PATJ: variants seen among roughly 807,000 people sequenced by gnomAD.
PATJ encodes the protein inaD-like protein.
PATJ carries 190 observed loss-of-function variants against 224.9 expected under a neutral mutation model. The observed-to-expected ratio is 0.84, with a 90% CI of 0.75 to 0.95. The LOEUF is 0.95. PATJ is among the 40% of genes least tolerant of loss of function. The probability of loss-of-function intolerance (pLI) is 0.00; values close to 1 mark genes in which losing one functional copy is unlikely to be tolerated. For missense variants in PATJ, 2,121 were observed against 2,270.3 expected (o/e 0.93, Z 1.34); for synonymous variants, 769 against 820.3 (o/e 0.94, Z 1.07).
chr1:61,761,983 C>A (rs541921717), intron 1 of PATJ, among the ~76,000 whole-genome samples: 1 of 152,106 alleles, frequency 6.6e-6, no homozygotes, highest in Non-Finnish European at 1.5e-5. Flanking sequence ...TCAATGCGCC[C>A]GGCCACTCTG....
chr1:62,125,799 T>G (rs1321888500), intron 39 of PATJ, among the ~76,000 whole-genome samples: 1 of 152,110 alleles, frequency 6.6e-6, no homozygotes, highest in Non-Finnish European at 1.5e-5. Context: ...AGACAGAGTC[T>G]CACTCTGTTA....
At chr1:61,973,715 T>C (rs11207881) in intron 27 of PATJ, among the ~76,000 whole-genome samples, 5,587 of 151,990 alleles carry the variant, frequency 0.037, 435 homozygotes, top group African/African-American at 0.13. Context: ...ACCACTTTCA[T>C]AGTGATTAAA....
chr1:61,861,490 C>T (rs1557772474), intron 18 of PATJ, 61 bp from the exon 19 acceptor site: 1 of 761,412 alleles, frequency 1.3e-6, no homozygotes, highest in Non-Finnish European at 2.2e-6. Context: ...GCTCTCCCTC[C>T]CCTTGCTCCC....
Position 62,078,486 on chromosome 1 carries a change from A to G in PATJ, c.4126-964A>G, listed in dbSNP as rs373340761. 3.3e-4 allele frequency among the ~76,000 whole-genome samples: 50 copies of G among 152,082 alleles called. No individual in the cohort carries two copies. The South Asian group carries it at 0.01, about 31-fold the overall frequency. The stretch of plus-strand genomic sequence containing the variant: ...TTTTCAGTAGAGATGGGGTTTCACC[A>G]TGTTAGCCAGGCTGGTCTCGAACTC... On this transcript the variant is annotated intron_variant, in intron 31 of 43. Transcript: ENST00000642238.
intron 31 of PATJ, among the ~76,000 whole-genome samples, chr1:62,070,551 A>G (rs531603284): frequency 1.5e-4 from 23 of 152,372 alleles, no homozygotes; most frequent in African/African-American, 5.5e-4. Flanking sequence ...AAGATACAAT[A>G]TAATCTTGCA....
At chr1:61,857,813 G>C (rs1051810369) in intron 18 of PATJ, among the ~76,000 whole-genome samples, 1 of 152,098 alleles carries the variant, frequency 6.6e-6, no homozygotes, top group Non-Finnish European at 1.5e-5. Context: ...GAGAAACATC[G>C]TACTAGTAAT....
Position 61,939,523 on chromosome 1 carries a change from T to C in PATJ, c.3670+11694T>C, listed in dbSNP as rs566520568. On this transcript the variant is annotated intron_variant, in intron 27 of 43. Coordinates refer to ENST00000642238, the MANE Select transcript of PATJ (RefSeq NM_001350145.3). ...CTATAAAAATCAGGTTTTTTTTGCCTATCAGAGTACTTAATATTTTAACAA... is the reference window on the plus strand; with the variant it reads ...CTATAAAAATCAGGTTTTTTTTGCCCATCAGAGTACTTAATATTTTAACAA... Among the ~76,000 whole-genome samples the C allele has an allele frequency of 1.5e-4, 23 of 152,136 alleles. No individual in the cohort carries two copies. The South Asian group carries it at 4.8e-3, about 32-fold the overall frequency.
intron 25 of PATJ, among the ~76,000 whole-genome samples, chr1:61,909,928 G>T (rs1384105357): frequency 6.6e-6 from 1 of 152,194 alleles, no homozygotes; most frequent in African/African-American, 2.4e-5. Context: ...ACTGCATTTT[G>T]CAGTATGGTG....
chr1:61,970,061 G>T (rs373719169), intron 27 of PATJ, among the ~76,000 whole-genome samples: 298 of 150,866 alleles, frequency 2.0e-3, no homozygotes, highest in African/African-American at 6.9e-3. Flanking sequence ...TGTCTATTTG[G>T]TTTTTTGTAT....
At chr1:62,017,296 C>T (rs1486850685) in intron 28 of PATJ, among the ~76,000 whole-genome samples, 42 of 151,962 alleles carry the variant, frequency 2.8e-4, no homozygotes, top group Non-Finnish European at 4.4e-5. Context: ...CACCTGTCGT[C>T]CCAGCTACTC....
At chr1:62,071,803 T>C (rs1480580110) in intron 31 of PATJ, among the ~76,000 whole-genome samples, 1 of 152,174 alleles carries the variant, frequency 6.6e-6, no homozygotes, top group Non-Finnish European at 1.5e-5. Context: ...GCAGAACTCT[T>C]AAGTTGAAGA....
At chr1:61,956,269 A>C (rs1186315309) in intron 27 of PATJ, among the ~76,000 whole-genome samples, 1 of 152,208 alleles carries the variant, frequency 6.6e-6, no homozygotes, top group East Asian at 1.9e-4. Flanking sequence ...TTTCCAGTTT[A>C]TTTTAATTAT....
rs74076549 is a variant in PATJ, at chr1:62,131,433, A to G, written c.5271+2488A>G. Among the ~76,000 whole-genome samples the G allele has an allele frequency of 4.2e-3, 644 of 152,266 alleles. 4 individuals are homozygous for G. The highest frequency in any genetic ancestry group is 0.015 in the African/African-American group (613 of 41,542). ...CCCTTAGCAAAATCTAGTATTATTG[A>G]TATTTTCACACATGGATATAATTTG... On this transcript the variant is annotated intron_variant, in intron 41 of 43. Coordinates refer to ENST00000642238, the MANE Select transcript of PATJ (RefSeq NM_001350145.3).
At chr1:62,140,152 G>A (rs1187374909) in intron 41 of PATJ, among the ~76,000 whole-genome samples, 1 of 152,106 alleles carries the variant, frequency 6.6e-6, no homozygotes, top group East Asian at 1.9e-4. Context: ...TTCTCATTCA[G>A]CCCCTTGGAT....
At chr1:61,829,946 A>G (rs1233263141) in intron 16 of PATJ, among the ~76,000 whole-genome samples, 1 of 152,206 alleles carries the variant, frequency 6.6e-6, no homozygotes, top group Non-Finnish European at 1.5e-5. Context: ...TCAGACTGAA[A>G]TATGCAGAGG....
chr1:61,990,222 T>A lies in PATJ; in HGVS notation c.3725T>A (p.Leu1242His). Residue 1242 changes from leucine to histidine, a missense_variant, in exon 28 of 44, where the codon CTT becomes CAT. Transcript: ENST00000642238. ...DLPGELHIIE[L>H]EKDKNGLGLS... is the part of the protein sequence containing the mutation. ...CCTGGAGAACTGCACATTATTGAACTTGAAAAAGATAAGAATGGACTTGGA... is the reference window on the plus strand; with the variant it reads ...CCTGGAGAACTGCACATTATTGAACATGAAAAAGATAAGAATGGACTTGGA... 2 of 1,613,764 alleles carry A rather than the reference T, an allele frequency of 1.2e-6. No homozygotes were observed. Among genetic ancestry groups the A allele is most frequent in the Non-Finnish European group, 1.7e-6 (2 of 1,179,880 alleles).
At chr1:61,830,316 A>G (rs1379492042) in intron 16 of PATJ, among the ~76,000 whole-genome samples, 1 of 152,220 alleles carries the variant, frequency 6.6e-6, no homozygotes, top group Non-Finnish European at 1.5e-5. Context: ...GAAGTGAAAG[A>G]TGTCTACAAT....
At position 62,074,104 on chromosome 1, in the gene PATJ, A is replaced by G. The variant is rs572814933; in HGVS notation, c.4126-5346A>G. 5.3e-5 allele frequency among the ~76,000 whole-genome samples: 8 copies of G among 151,826 alleles called. No individual in the cohort carries two copies. In the South Asian group the frequency reaches 1.7e-3, roughly 32 times the overall value. On this transcript the variant is annotated intron_variant, in intron 31 of 43. Transcript: ENST00000642238. ...TAGCTATTTTTATATTTAAGAAACT[A>G]TAGATTACTAGAGTTTACAGGAAAT...
rs537629169 is a variant in PATJ, at chr1:61,890,313, T to A, written c.3131+5905T>A. On this transcript the variant is annotated intron_variant, in intron 22 of 43. Transcript: ENST00000642238. ...GGGCAACATAGTGAAAACCTGCTGC[T>A]ACAAAAAAATAAAAAGTAAGCCTGA... 2.0e-5 allele frequency among the ~76,000 whole-genome samples: 3 copies of A among 152,134 alleles called. No homozygotes were observed. The East Asian group carries it at 5.8e-4, about 29-fold the overall frequency.
Sources: allele counts gnomAD v4.1 joint callset (sites outside exome capture counted in the v4.1 genomes callset), GRCh38; gene constraint gnomAD v4.1.1; transcripts MANE v1.5; gene names NCBI Gene and HGNC (gene_info 2026-07-23, HGNC 2026-07-21).